The following HEATR4 variants were observed in gnomAD, a reference collection of about 807,000 sequenced individuals.
HEATR4 encodes the protein HEAT repeat containing 4, also known as HEAT repeat-containing protein 4.
HEATR4 carries 95 observed loss-of-function variants against 108.8 expected under a neutral mutation model. That is an observed-to-expected ratio of 0.87 (90% CI 0.74 to 1.04). The LOEUF is 1.04. HEATR4 is among the 50% of genes least tolerant of loss of function. The pLI is 0.00. For missense variants in HEATR4, 1,152 were observed against 1,253.8 expected (o/e 0.92, Z 1.23); for synonymous variants, 443 against 459.4 (o/e 0.96, Z 0.46).
Position 73,500,683 on chromosome 14 carries a change from T to C in HEATR4, c.2153A>G (p.Tyr718Cys), listed in dbSNP as rs781645311. 4 of 1,613,924 alleles carry C rather than the reference T, an allele frequency of 2.5e-6. No individual in the cohort carries two copies. The African/African-American group carries it at 5.3e-5, about 22-fold the overall frequency. ...GNSQERVEAL[Y>C]LIGELKLMTA... ...CATAAGCTTGAGCTCACCTATCAGG[T>C]AGAGAGCTTCCACACGCTCCTGGGA... The change falls in exon 12 of 18, where the codon TAC (tyrosine) becomes TGC (cysteine). Residue 718 changes from tyrosine to cysteine, a missense_variant. Transcript: ENST00000553558.
the HEATR4 span, chr14:73,619,431 G>GTCA: frequency 6.2e-7 from 1 of 1,614,150 alleles, no homozygotes; most frequent in East Asian, 2.2e-5. Context: ...AAATCACTAA[G>GTCA]TCAGGATTTC....
At chr14:73,526,236 C>T (rs981280304) in intron 2 of HEATR4, among the ~76,000 whole-genome samples, 1 of 152,222 alleles carries the variant, frequency 6.6e-6, no homozygotes, top group Non-Finnish European at 1.5e-5. Context: ...ACAGAGGACA[C>T]ATTTAGATCA....
chr14:73,525,008 T>A (rs974334795), intron 2 of HEATR4, among the ~76,000 whole-genome samples: 1 of 152,098 alleles, frequency 6.6e-6, no homozygotes, highest in Admixed American at 6.6e-5. Context: ...GGGCAAGTTC[T>A]TTTTTGTGTG....
At chr14:73,498,454 A>C (rs1886233610) in intron 13 of HEATR4, 110 bp from the exon 14 acceptor site, 1 of 950,240 alleles carries the variant, frequency 1.1e-6, no homozygotes, top group East Asian at 2.7e-5. Context: ...GATGGTAATC[A>C]CCATTAGAAT....
At chr14:73,612,830 G>T in the HEATR4 span, 1 of 1,424,810 alleles carries the variant, frequency 7.0e-7, no homozygotes, top group Non-Finnish European at 9.3e-7. Flanking sequence ...GTTGGAGCCC[G>T]AGAAAGCCTT....
the HEATR4 span, chr14:73,569,649 C>T: frequency 1.2e-6 from 2 of 1,605,336 alleles, no homozygotes; most frequent in Non-Finnish European, 8.5e-7. Context: ...CTTCGCGGGG[C>T]TTGAGCCCAT....
intron 1 of HEATR4, among the ~76,000 whole-genome samples, chr14:73,540,405 T>C (rs1227766190): frequency 8.9e-6 from 1 of 112,684 alleles, no homozygotes; most frequent in Non-Finnish European, 1.9e-5. Context: ...GCTAGAAGAA[T>C]CAACATCTAT....
the HEATR4 span, chr14:73,612,802 C>T: frequency 7.1e-7 from 1 of 1,403,070 alleles, no homozygotes; most frequent in East Asian, 3.0e-5. Flanking sequence ...GGCTCCAGCC[C>T]ATGGGGCTGC....
At chr14:73,631,248 CAT>C in the HEATR4 span, among the ~76,000 whole-genome samples, 1 of 152,128 alleles carries the variant, frequency 6.6e-6, no homozygotes, top group Non-Finnish European at 1.5e-5. Context: ...TCATTTTACA[CAT>C]GCGTTTTAAT....
At chr14:73,608,098 T>C in the HEATR4 span, among the ~76,000 whole-genome samples, 64 of 151,962 alleles carry the variant, frequency 4.2e-4, no homozygotes, top group Non-Finnish European at 8.1e-4. Flanking sequence ...CTAATTTTTG[T>C]ACTTTTAGTA....
chr14:73,616,059 T>G, the HEATR4 span, among the ~76,000 whole-genome samples: 4 of 151,742 alleles, frequency 2.6e-5, 1 homozygote, highest in Non-Finnish European at 5.9e-5. Flanking sequence ...CTGGAACTCT[T>G]GGGCTCAGAT....
chr14:73,538,675 C>A (rs1351541388), intron 1 of HEATR4, among the ~76,000 whole-genome samples: 1 of 100,542 alleles, frequency 9.9e-6, no homozygotes, highest in Non-Finnish European at 2.1e-5. Context: ...TAAAAACAAA[C>A]AAAACAAAAC....
chr14:73,616,904 AC>A, the HEATR4 span: 1 of 581,944 alleles, frequency 1.7e-6, no homozygotes, highest in African/African-American at 1.9e-5. Context: ...CAATCTCTCT[AC>A]CCCCAATCTC....
rs763623683 is a variant in HEATR4, at chr14:73,523,118, G to A, written c.35C>T (p.Pro12Leu). ...TRTQKGKTFL[P>L]HCFYQSLPPR... ...GGGCAGTGACTGATAGAAGCAATGG[G>A]GGAGAAAGGTCTTTCCCTTCTGGGT... The change falls in exon 3 of 18, where the codon CCC (proline) becomes CTC (leucine). Residue 12 changes from proline (P) to leucine (L), a missense_variant. By Grantham distance (98) the Pro-to-Leu change is moderately conservative (BLOSUM62 -3). Transcript: ENST00000553558. 1 of 1,606,574 alleles carries A rather than the reference G, an allele frequency of 6.2e-7. No individual in the cohort carries two copies. Among genetic ancestry groups the A allele is most frequent in the Non-Finnish European group, 8.5e-7 (1 of 1,179,790 alleles).
At chr14:73,526,716 G>T (rs1354613680) in intron 2 of HEATR4, among the ~76,000 whole-genome samples, 1 of 152,228 alleles carries the variant, frequency 6.6e-6, no homozygotes, top group East Asian at 1.9e-4. Flanking sequence ...GCTCTGATGG[G>T]TCAGATTTAT....
rs1292956305 is a variant in HEATR4, at chr14:73,531,101, A to G, written c.-151-857T>C. 3.6e-5 allele frequency: 4 copies of G among 110,838 alleles called. 1 individual carries two copies. The South Asian group carries it at 1.2e-3, about 32-fold the overall frequency. The allele number at this position is 110,838 out of a possible 1,614,324, so 6.9% of individuals were successfully genotyped here. On this transcript the variant is annotated intron_variant, in intron 1 of 17. Transcript: ENST00000553558. ...TGCCCCTCATCTTCCAGCTGACACC[A>G]TCCAGCACCTTTCAGATACTGGCAA...
the HEATR4 span, among the ~76,000 whole-genome samples, chr14:73,614,548 T>C: frequency 6.6e-6 from 1 of 151,518 alleles, no homozygotes. Flanking sequence ...AAGACTAGCC[T>C]GGCCAACATG....
chr14:73,586,104 A>C, the HEATR4 span, among the ~76,000 whole-genome samples: 1 of 151,872 alleles, frequency 6.6e-6, no homozygotes, highest in African/African-American at 2.4e-5. Context: ...TTACTTAAAA[A>C]TTTTTTAGGC....
At chr14:73,573,867 C>T in the HEATR4 span, among the ~76,000 whole-genome samples, 1 of 151,980 alleles carries the variant, frequency 6.6e-6, no homozygotes, top group African/African-American at 2.4e-5. Flanking sequence ...GTTGGGATTA[C>T]AGGCACCTGC....
Sources: gnomAD v4.1 joint callset for allele counts (sites outside exome capture counted in the v4.1 genomes callset) on GRCh38, gnomAD v4.1.1 for gene constraint, MANE v1.5 for transcripts, NCBI Gene and HGNC (gene_info 2026-07-23, HGNC 2026-07-21) for gene names.